Variants in CCSER1 observed in about 807,000 individuals in gnomAD.
CCSER1 encodes coiled-coil serine rich protein 1.
A neutral mutation model predicts 82.0 loss-of-function variants in CCSER1; 41 were observed. That is an observed-to-expected ratio of 0.50 (90% confidence interval 0.39 to 0.65). The LOEUF is 0.65. Among genes scored for constraint, CCSER1 ranks in the 30% least tolerant of loss-of-function variants. CCSER1 has a pLI of 0.00. For synonymous variants in CCSER1, 414 were observed against 383.9 expected, an observed-to-expected ratio of 1.08 and a Z score of -0.92; for missense variants, 1,119 against 1,064.2, an observed-to-expected ratio of 1.05 and a Z score of -0.72.
At chr4:91,218,250 C>T (rs1163755105) in intron 10 of CCSER1, among the ~76,000 whole-genome samples, 1 of 152,212 alleles carries the variant, frequency 6.6e-6, no homozygotes, top group Non-Finnish European at 1.5e-5. Context: ...GAAGGGTTGG[C>T]TGGCTGCTCC....
intron 9 of CCSER1, among the ~76,000 whole-genome samples, chr4:90,969,918 C>T (rs917114119): frequency 4.7e-5 from 7 of 150,416 alleles, no homozygotes; most frequent in African/African-American, 1.7e-4. Flanking sequence ...CTAGCAGATA[C>T]ACATAAGAAA....
At chr4:91,431,559 C>T (rs1754321647) in intron 10 of CCSER1, among the ~76,000 whole-genome samples, 1 of 152,036 alleles carries the variant, frequency 6.6e-6, no homozygotes, top group East Asian at 1.9e-4. Flanking sequence ...CCTCTGCCTC[C>T]CAGGTTCAAG....
chr4:90,461,613 C>T (rs1214086113), intron 4 of CCSER1, among the ~76,000 whole-genome samples: 2 of 152,052 alleles, frequency 1.3e-5, no homozygotes, highest in Non-Finnish European at 2.9e-5. Context: ...AACATTTTCT[C>T]ATATCTCAAT....
At chr4:90,833,915 C>T (rs551080092) in intron 8 of CCSER1, among the ~76,000 whole-genome samples, 1 of 152,232 alleles carries the variant, frequency 6.6e-6, no homozygotes, top group East Asian at 1.9e-4. Flanking sequence ...AATTCAGCCC[C>T]TGGTGCCTCT....
At chr4:90,360,082 T>C (rs1445418973) in intron 3 of CCSER1, among the ~76,000 whole-genome samples, 3 of 149,000 alleles carry the variant, frequency 2.0e-5, no homozygotes, top group Non-Finnish European at 4.5e-5. Flanking sequence ...CACGCCTGGC[T>C]AATTTTTTGT....
chr4:91,196,998 A>G lies in CCSER1; in HGVS notation c.2217+111004A>G, dbSNP rs571933242. On this transcript the variant is annotated intron_variant, in intron 10 of 10. Transcript: ENST00000509176. ...TACTCCTACAATTTTACACAGAAAC[A>G]GATTTATTAAAGTAGTAATAACCCT... 8.9e-4 allele frequency among the ~76,000 whole-genome samples: 136 copies of G among 152,370 alleles called. 2 individuals are homozygous for G. The highest frequency in any genetic ancestry group is 3.1e-3 in the African/African-American group (127 of 41,586).
chr4:91,040,685 A>T (rs1048607665), intron 9 of CCSER1, among the ~76,000 whole-genome samples: 1 of 152,166 alleles, frequency 6.6e-6, no homozygotes, highest in African/African-American at 2.4e-5. Context: ...AAAATAACCC[A>T]AGATTTTCAA....
chr4:91,221,243 T>A (rs904012156), intron 10 of CCSER1, among the ~76,000 whole-genome samples: 1 of 152,146 alleles, frequency 6.6e-6, no homozygotes, highest in Non-Finnish European at 1.5e-5. Flanking sequence ...CTCTAACATC[T>A]CACTATCCAC....
intron 8 of CCSER1, among the ~76,000 whole-genome samples, chr4:90,842,755 A>G (rs1762731435): frequency 6.6e-6 from 1 of 152,192 alleles, no homozygotes; most frequent in Non-Finnish European, 1.5e-5. Flanking sequence ...TTCTCAGGGA[A>G]CTAATGCAAA....
At chr4:91,106,888 T>A (rs13105627) in intron 10 of CCSER1, among the ~76,000 whole-genome samples, 69,153 of 151,902 alleles carry the variant, frequency 0.46, 16,123 homozygotes, top group East Asian at 0.73. Flanking sequence ...TTTCCCAGGT[T>A]CAGCTACATG....
At position 91,102,686 on chromosome 4, in the gene CCSER1, A is replaced by G. The variant is rs560794129; in HGVS notation, c.2217+16692A>G. Among the ~76,000 whole-genome samples the G allele has an allele frequency of 2.0e-5, 3 of 147,852 alleles. No homozygotes were observed. In the South Asian group the frequency reaches 6.4e-4, roughly 32 times the overall value. On this transcript the variant is annotated intron_variant, in intron 10 of 10. Transcript: ENST00000509176. ...TTGCTTCATCACATATTTATTTGAA[A>G]GTATATTCATAAACAAACTTACAGT...
chr4:90,637,772 C>T (rs1253834473), intron 6 of CCSER1, among the ~76,000 whole-genome samples: 3 of 152,132 alleles, frequency 2.0e-5, no homozygotes, highest in African/African-American at 4.8e-5. Context: ...GTTCTGCCCT[C>T]TATGTTCTTT....
chr4:91,134,397 G>A (rs1442055641), intron 10 of CCSER1, among the ~76,000 whole-genome samples: 1 of 150,884 alleles, frequency 6.6e-6, no homozygotes, highest in African/African-American at 2.4e-5. Context: ...CTCCAGTCAG[G>A]GCAACACAGC....
chr4:90,813,042 A>T (rs1043543159), intron 7 of CCSER1, among the ~76,000 whole-genome samples: 1 of 152,190 alleles, frequency 6.6e-6, no homozygotes, highest in Admixed American at 6.5e-5. Context: ...TCTTGCCTTC[A>T]CAACAGTCCC....
Position 91,385,304 on chromosome 4 carries a change from A to G in CCSER1, c.2218-213268A>G, listed in dbSNP as rs148706981. Among the ~76,000 whole-genome samples the G allele has an allele frequency of 8.8e-3, 1,345 of 152,162 alleles. 12 individuals are homozygous for G. The highest frequency in any genetic ancestry group is 0.013 in the Non-Finnish European group (901 of 67,922). ...TTTTCAAAAGATGATAAGTGAAAAA[A>G]ACAAAGTGCAAAAAAGAACATGTAG... is the stretch of plus-strand genomic sequence containing the variant. On this transcript the variant is annotated intron_variant, in intron 10 of 10. Coordinates refer to ENST00000509176, the MANE Select transcript of CCSER1 (RefSeq NM_001145065.2).
At chr4:90,562,851 T>A (rs866609363) in intron 5 of CCSER1, among the ~76,000 whole-genome samples, 98 of 137,820 alleles carry the variant, frequency 7.1e-4, no homozygotes, top group African/African-American at 1.9e-3. Flanking sequence ...CTTTTTTTTT[T>A]TAAAAAAAAA....
At chr4:90,656,844 A>G (rs1027972911) in intron 6 of CCSER1, among the ~76,000 whole-genome samples, 1 of 152,030 alleles carries the variant, frequency 6.6e-6, no homozygotes, top group Non-Finnish European at 1.5e-5. Context: ...ATATCAATGT[A>G]TATCTTTGAC....
intron 6 of CCSER1, among the ~76,000 whole-genome samples, chr4:90,708,522 C>A (rs1739847416): frequency 1.3e-5 from 2 of 152,130 alleles, no homozygotes; most frequent in Admixed American, 1.3e-4. Context: ...AGTGTTCCTA[C>A]CCATCCTCAG....
chr4:91,548,988 T>G (rs2110217481), intron 10 of CCSER1, among the ~76,000 whole-genome samples: 1 of 152,268 alleles, frequency 6.6e-6, no homozygotes, highest in Non-Finnish European at 1.5e-5. Flanking sequence ...ATATTCCCAT[T>G]ATGCATGTTA....
Sources: allele counts gnomAD v4.1 joint callset (sites outside exome capture counted in the v4.1 genomes callset), GRCh38; gene constraint gnomAD v4.1.1; transcripts MANE v1.5; gene names NCBI Gene and HGNC (gene_info 2026-07-23, HGNC 2026-07-21).